Variants in CAMTA1 observed in about 807,000 individuals in gnomAD.
CAMTA1 encodes calmodulin binding transcription activator 1, also known as calmodulin-binding transcription activator 1.
A neutral mutation model predicts 170.9 loss-of-function variants in CAMTA1; 27 were observed. The observed-to-expected ratio is 0.16, with a 90% confidence interval of 0.12 to 0.22. The LOEUF is 0.22. Among genes scored for constraint, CAMTA1 ranks in the 10% least tolerant of loss-of-function variants. CAMTA1 has a pLI of 1.00. For missense variants in CAMTA1, 1,619 were observed against 2,217.2 expected, an observed-to-expected ratio of 0.73 and a Z score of 5.42; for synonymous variants, 833 against 891.5, an observed-to-expected ratio of 0.93 and a Z score of 1.17.
chr1:7,622,140 T>C (rs1028199732), intron 6 of CAMTA1, among the ~76,000 whole-genome samples: 4 of 152,222 alleles, frequency 2.6e-5, no homozygotes, highest in South Asian at 2.1e-4. Flanking sequence ...CGTTAACTCA[T>C]TATCAGTGAC....
At chr1:6,951,634 C>T (rs1217787325) in intron 3 of CAMTA1, among the ~76,000 whole-genome samples, 2 of 152,178 alleles carry the variant, frequency 1.3e-5, no homozygotes, top group Admixed American at 6.5e-5. Context: ...CAGTCTCCTC[C>T]TGGGTTCCAC....
At chr1:6,830,792 C>T (rs1649675934) in intron 3 of CAMTA1, among the ~76,000 whole-genome samples, 1 of 152,024 alleles carries the variant, frequency 6.6e-6, no homozygotes, top group Non-Finnish European at 1.5e-5. Context: ...CCATAAGTAG[C>T]TTGAGAGAGT....
chr1:7,050,698 A>G lies in CAMTA1; in HGVS notation c.235-40606A>G, dbSNP rs1471334867. Among the ~76,000 whole-genome samples, 2 of 141,956 alleles carry G rather than the reference A, an allele frequency of 1.4e-5. No homozygotes were observed. The highest frequency in any genetic ancestry group is 3.1e-5 in the Non-Finnish European group (2 of 64,610). The allele number at this position is 141,956 out of a possible 152,430, so 93.1% of individuals were successfully genotyped here. A position where few individuals can be genotyped will look rare whatever the true frequency, so the allele number is the denominator to read the frequency against. On this transcript the variant is annotated intron_variant, in intron 3 of 22. Coordinates refer to ENST00000303635, the MANE Select transcript of CAMTA1 (RefSeq NM_015215.4). This position sits in a 1 kb window ranked among gnomAD's most constrained non-coding sequence, Gnocchi z 4.8. ...TGAGGGACTCCAATTTGTGGAGGCA[A>G]TGGTGGGGGTAGGGTGGGTGGAGGA...
At chr1:6,789,371 G>A (rs1161792391) in intron 1 of CAMTA1, among the ~76,000 whole-genome samples, 3 of 152,094 alleles carry the variant, frequency 2.0e-5, no homozygotes, top group East Asian at 3.9e-4. Context: ...CTGGATGTCC[G>A]CCCATGTGTC....
chr1:6,801,041 A>G (rs1166519059), intron 1 of CAMTA1, among the ~76,000 whole-genome samples: 3 of 152,342 alleles, frequency 2.0e-5, no homozygotes, highest in South Asian at 4.1e-4. Context: ...AAAGAAAGCT[A>G]TAACAAGTTA....
At chr1:7,303,952 C>G (rs1030486559) in intron 5 of CAMTA1, among the ~76,000 whole-genome samples, 1 of 152,120 alleles carries the variant, frequency 6.6e-6, no homozygotes, top group Admixed American at 6.5e-5. Context: ...GCAAAGAGGC[C>G]AGACACAAAA....
intron 4 of CAMTA1, among the ~76,000 whole-genome samples, chr1:7,151,382 G>A (rs571408028): frequency 2.0e-5 from 3 of 152,236 alleles, no homozygotes; most frequent in Non-Finnish European, 4.4e-5. Flanking sequence ...TCTTTGCAGC[G>A]GGCAACCCTG....
rs1014828310 is a variant in CAMTA1, at chr1:6,823,408, C to G, written c.116-1684C>G. On this transcript the variant is annotated intron_variant, in intron 2 of 22. Transcript: ENST00000303635. ...AGGAAGATTTTTTGAAAGGTTTAAT[C>G]TTATTTTCCTATTAAATTAAAATTT... Among the ~76,000 whole-genome samples, 5 of 152,090 alleles carry G rather than the reference C, an allele frequency of 3.3e-5. 1 individual carries two copies. Among genetic ancestry groups the G allele is most frequent in the Admixed American group, 1.3e-4 (2 of 15,260 alleles).
chr1:7,152,913 G>A (rs1301500973), intron 4 of CAMTA1, among the ~76,000 whole-genome samples: 2 of 152,210 alleles, frequency 1.3e-5, no homozygotes, highest in East Asian at 1.9e-4. Context: ...GATAAGAACC[G>A]TTTTGCTGTG....
intron 3 of CAMTA1, among the ~76,000 whole-genome samples, chr1:7,080,170 C>T (rs776734654): frequency 6.6e-6 from 1 of 152,154 alleles, no homozygotes; most frequent in African/African-American, 2.4e-5. Context: ...ATTCATGGCA[C>T]ACATTAGAGG....
chr1:7,538,580 G>A (rs561513429), intron 6 of CAMTA1, among the ~76,000 whole-genome samples: 6 of 152,328 alleles, frequency 3.9e-5, no homozygotes, highest in South Asian at 2.1e-4. Context: ...GGCTCAGGAC[G>A]CTGAGGCGGC....
At chr1:7,525,488 CT>C (rs1246641935) in intron 6 of CAMTA1, among the ~76,000 whole-genome samples, 2 of 152,058 alleles carry the variant, frequency 1.3e-5, no homozygotes, top group Non-Finnish European at 2.9e-5. Flanking sequence ...ATATGCAAAT[CT>C]CTTCAATAAT....
intron 4 of CAMTA1, among the ~76,000 whole-genome samples, chr1:7,138,144 C>T (rs2148589767): frequency 6.6e-6 from 1 of 152,112 alleles, no homozygotes; most frequent in African/African-American, 2.4e-5. Context: ...CACCACCACG[C>T]CCAGCTAATT....
At position 7,506,760 on chromosome 1, in the gene CAMTA1, C is replaced by T. The variant is rs2094120631; in HGVS notation, c.510+38859C>T. Among the ~76,000 whole-genome samples, 2 of 151,720 alleles carry T rather than the reference C, an allele frequency of 1.3e-5. 1 individual carries two copies. The highest frequency in any genetic ancestry group is 4.2e-4 in the South Asian group (2 of 4,790). On this transcript the variant is annotated intron_variant, in intron 6 of 22. Transcript: ENST00000303635. ...TCATGCTCACACAAAATCTCACATG[C>T]TCACACTCAATGCAAACTCACATGC...
chr1:7,095,553 CT>C (rs1641981528), intron 4 of CAMTA1, among the ~76,000 whole-genome samples: 2 of 152,242 alleles, frequency 1.3e-5, no homozygotes, highest in Admixed American at 1.3e-4. Flanking sequence ...TATGATCTCA[CT>C]GCAAAGCCCA....
At chr1:7,139,624 C>G (rs1558155732) in intron 4 of CAMTA1, among the ~76,000 whole-genome samples, 1 of 152,186 alleles carries the variant, frequency 6.6e-6, no homozygotes, top group Non-Finnish European at 1.5e-5. Flanking sequence ...TCCTGTCTGT[C>G]TGCAGCCTTG....
intron 11 of CAMTA1, among the ~76,000 whole-genome samples, chr1:7,709,906 C>T (rs951495708): frequency 1.3e-5 from 2 of 152,160 alleles, no homozygotes; most frequent in East Asian, 3.8e-4. Context: ...TTTTGGTTTC[C>T]ATATGGGAGT....
At chr1:7,590,241 G>A (rs2095345338) in intron 6 of CAMTA1, among the ~76,000 whole-genome samples, 1 of 152,204 alleles carries the variant, frequency 6.6e-6, no homozygotes, top group South Asian at 2.1e-4. Context: ...AGTCATCAAG[G>A]CCCTGCTGCT....
intron 3 of CAMTA1, among the ~76,000 whole-genome samples, chr1:7,082,739 T>G (rs1352321848): frequency 6.6e-6 from 1 of 152,238 alleles, no homozygotes; most frequent in East Asian, 1.9e-4. Context: ...CCTGATACCT[T>G]GACCACTTGT....
Sources: allele counts gnomAD v4.1 joint callset (sites outside exome capture counted in the v4.1 genomes callset), GRCh38; gene constraint gnomAD v4.1.1; non-coding constraint Gnocchi (gnomAD v3.1); transcripts MANE v1.5; gene names NCBI Gene and HGNC (gene_info 2026-07-23, HGNC 2026-07-21).